TMEM242: variants seen among roughly 807,000 people sequenced by gnomAD.
TMEM242 encodes the protein UPF0463 transmembrane protein C6orf35.
Under a neutral mutation model 18.2 loss-of-function variants are expected in TMEM242, and 10 were observed. The ratio of observed to expected loss-of-function variants is 0.55; its 90% confidence interval spans 0.34 to 0.93. The LOEUF (loss-of-function observed/expected upper bound fraction) is 0.93, where lower values mean the gene tolerates loss of function less well. Ranked by LOEUF, TMEM242 falls within the 40% of genes least tolerant of loss-of-function variation. The pLI, the probability that TMEM242 is intolerant of heterozygous loss-of-function variation, is 0.02. For missense variants in TMEM242, 186 were observed against 175.5 expected (o/e 1.06, Z -0.34); for synonymous variants, 57 against 69.9 (o/e 0.81, Z 0.92).
chr6:157,289,666 TA>T lies in TMEM242; in HGVS notation c.*3234del, dbSNP rs1777657758. ...ATAGCTAAATTCAATGGATTTTAAT[TA>T]CTTTTATCCCCATGGGCTCCCCGTC... On this transcript the variant is annotated 3_prime_UTR_variant, in exon 4 of 4. Transcript: ENST00000400788. 6.6e-6 allele frequency: 1 copy of T among 152,238 alleles called. No individual in the cohort carries two copies. The highest frequency in any genetic ancestry group is 1.5e-5 in the Non-Finnish European group (1 of 68,040). The allele number at this position is 152,238 out of a possible 1,614,324, so 9.4% of individuals were successfully genotyped here.
At chr6:157,313,327 G>C (rs1554249698) in intron 3 of TMEM242, among the ~76,000 whole-genome samples, 3 of 152,016 alleles carry the variant, frequency 2.0e-5, no homozygotes, top group Admixed American at 6.5e-5. Flanking sequence ...CGCTCACCTG[G>C]CCTCATCATA....
intron 2 of TMEM242, among the ~76,000 whole-genome samples, chr6:157,321,163 C>CA (rs1399534039): frequency 2.0e-5 from 3 of 151,944 alleles, no homozygotes; most frequent in East Asian, 3.9e-4. Context: ...CACCCGCCAC[C>CA]CGCCCAGTTA....
chr6:157,311,361 G>C (rs1554248747), intron 3 of TMEM242, among the ~76,000 whole-genome samples: 10 of 81,256 alleles, frequency 1.2e-4, no homozygotes, highest in African/African-American at 2.5e-4. Context: ...CGCTCACCTA[G>C]CCTCATCATA....
At chr6:157,321,006 T>C (rs1778487579) in intron 2 of TMEM242, among the ~76,000 whole-genome samples, 1 of 150,358 alleles carries the variant, frequency 6.7e-6, no homozygotes, top group South Asian at 2.1e-4. Context: ...TTCTTTTTTT[T>C]TTTTTCTTTT....
chr6:157,299,878 C>T, intron 3 of TMEM242: 17 of 1,613,158 alleles, frequency 1.1e-5, no homozygotes, highest in Non-Finnish European at 1.4e-5. Context: ...GTTCATCACT[C>T]AAGCCTTTTA....
chr6:157,305,601 C>G lies in TMEM242; in HGVS notation c.328-12602G>C, dbSNP rs1188381842. On this transcript the variant is annotated intron_variant, in intron 3 of 3. Coordinates refer to ENST00000400788, the MANE Select transcript of TMEM242 (RefSeq NM_018452.6). This position sits in a 1 kb window ranked among gnomAD's most constrained non-coding sequence, Gnocchi z 4.1. ...GGGACTGGACGAAAGAGCCAAGGGG[C>G]GGAGGATAGATGGAGGACAGAAGAG... Among the ~76,000 whole-genome samples, 1 of 151,998 alleles carries G rather than the reference C, an allele frequency of 6.6e-6. No individual in the cohort carries two copies.
intron 3 of TMEM242, among the ~76,000 whole-genome samples, chr6:157,307,160 T>A (rs1364532674): frequency 1.3e-5 from 2 of 152,194 alleles, no homozygotes; most frequent in African/African-American, 4.8e-5. Context: ...CAGTCCACAA[T>A]GCTTTATTTA....
At chr6:157,293,249 G>A (rs782382140) in intron 3 of TMEM242, among the ~76,000 whole-genome samples, 38 of 152,136 alleles carry the variant, frequency 2.5e-4, no homozygotes, top group Non-Finnish European at 3.1e-4. Context: ...GGACATGGTG[G>A]CTCACACCTG....
chr6:157,313,963 G>C (rs1157956090), intron 3 of TMEM242, among the ~76,000 whole-genome samples: 2 of 4,262 alleles, frequency 4.7e-4, no homozygotes, highest in Non-Finnish European at 1.1e-3. Context: ...CCCAGTGTCC[G>C]CTCACCTGGC....
chr6:157,303,263 C>G (rs1264026694), intron 3 of TMEM242, among the ~76,000 whole-genome samples: 4 of 152,124 alleles, frequency 2.6e-5, no homozygotes, highest in African/African-American at 9.7e-5. Flanking sequence ...GTGAGTAAGG[C>G]TGGGGAGTGG....
rs1490747483 is a variant in TMEM242 at position 157,323,284 on chromosome 6, A to G, written c.88+128T>C. On this transcript the variant is annotated intron_variant, in intron 1 of 3. Transcript: ENST00000400788. ...CCTGGGCCGCCAGACTCCGCGGGCT[A>G]AACTCAGGGGCAAGCACAAGCTAAG... is the stretch of plus-strand genomic sequence containing the variant. 8.4e-6 allele frequency: 9 copies of G among 1,074,342 alleles called. No homozygotes were observed. In the Admixed American group the frequency reaches 2.0e-4, roughly 24 times the overall value. The allele number at this position is 1,074,342 out of a possible 1,614,324, so 66.6% of individuals were successfully genotyped here.
intron 3 of TMEM242, chr6:157,299,516 A>G (rs1777798624): frequency 6.8e-7 from 1 of 1,461,918 alleles, no homozygotes; most frequent in Admixed American, 1.7e-5. Flanking sequence ...AGCAGTATCC[A>G]GATTACAGCC....
chr6:157,293,134 G>A (rs936727389), intron 3 of TMEM242, 135 bp from the exon 4 acceptor site: 6 of 603,812 alleles, frequency 9.9e-6, no homozygotes, highest in Admixed American at 8.3e-5. Flanking sequence ...ATAAAAGATA[G>A]GGACTATATA....
intron 3 of TMEM242, chr6:157,300,070 C>T (rs1326906502): frequency 1.5e-5 from 11 of 737,426 alleles, no homozygotes; most frequent in African/African-American, 7.0e-5. Flanking sequence ...ACAGGAAATT[C>T]GCTCCTGCCG....
intron 3 of TMEM242, among the ~76,000 whole-genome samples, chr6:157,302,002 G>T (rs1477777822): frequency 1.1e-4 from 17 of 152,154 alleles, no homozygotes; most frequent in Admixed American, 7.9e-4. Context: ...GGGTGGGAAA[G>T]GTGTGCCATC....
chr6:157,315,608 T>C (rs1324101082), intron 3 of TMEM242, among the ~76,000 whole-genome samples: 1 of 152,210 alleles, frequency 6.6e-6, no homozygotes. Context: ...TGAGTAGATA[T>C]TTCCTACTTA....
Position 157,290,457 on chromosome 6 carries a change from C to T in TMEM242, c.*2444G>A, listed in dbSNP as rs782111320. The T allele has an allele frequency of 1.3e-5, 2 of 152,180 alleles. No homozygotes were observed. The highest frequency in any genetic ancestry group is 2.4e-5 in the African/African-American group (1 of 41,446). The allele number at this position is 152,180 out of a possible 1,614,324, so 9.4% of individuals were successfully genotyped here. On this transcript the variant is annotated 3_prime_UTR_variant, in exon 4 of 4. Coordinates refer to ENST00000400788, the MANE Select transcript of TMEM242 (RefSeq NM_018452.6). ...ATGTGATTATGTTTGTCATACTCAA[C>T]CCAAGATAAAGACAGCAAAGAAGGC...
intron 3 of TMEM242, among the ~76,000 whole-genome samples, chr6:157,307,404 G>A (rs1341928129): frequency 2.6e-5 from 4 of 152,142 alleles, no homozygotes; most frequent in African/African-American, 9.7e-5. Flanking sequence ...AATGCTTGGG[G>A]TGCTATTTTA....
intron 3 of TMEM242, among the ~76,000 whole-genome samples, chr6:157,301,933 A>G (rs1008262683): frequency 4.6e-5 from 7 of 152,176 alleles, no homozygotes; most frequent in Non-Finnish European, 7.3e-5. Context: ...CTCCGTCTCA[A>G]CAAAAGAAGA....
Sources: gnomAD v4.1 joint callset for allele counts (sites outside exome capture counted in the v4.1 genomes callset) on GRCh38, gnomAD v4.1.1 for gene constraint, Gnocchi (gnomAD v3.1) non-coding constraint, MANE v1.5 for transcripts, NCBI Gene and HGNC (gene_info 2026-07-23, HGNC 2026-07-21) for gene names.